The following AOPEP variants were observed in gnomAD, a reference collection of about 807,000 sequenced individuals.
AOPEP encodes aminopeptidase O (putative).
AOPEP carries 77 observed loss-of-function variants against 98.1 expected under a neutral mutation model. The observed-to-expected ratio is 0.78, with a 90% CI of 0.65 to 0.95. The LOEUF is 0.95. Ranked by LOEUF, AOPEP falls within the 40% of genes least tolerant of loss-of-function variation. AOPEP has a pLI of 0.00. For synonymous variants in AOPEP, 346 were observed against 365.3 expected (o/e 0.95, Z 0.60); for missense variants, 1,024 against 1,024.7 (o/e 1.00, Z 0.01).
At chr9:95,111,074 G>A in the AOPEP span, 2 of 1,506,532 alleles carry the variant, frequency 1.3e-6, no homozygotes, top group Non-Finnish European at 1.8e-6. Flanking sequence ...TGGGGAGCGA[G>A]ACAGGGCCCT....
intron 11 of AOPEP, among the ~76,000 whole-genome samples, chr9:94,992,647 C>G (rs1056374544): frequency 6.6e-6 from 1 of 152,196 alleles, no homozygotes; most frequent in African/African-American, 2.4e-5. Context: ...AGCTCTACCA[C>G]CTCGAAGCCG....
At chr9:95,094,294 G>A in the AOPEP span, among the ~76,000 whole-genome samples, 2 of 152,214 alleles carry the variant, frequency 1.3e-5, no homozygotes. Flanking sequence ...TTGGAGAAAG[G>A]ATATATAATC....
chr9:94,928,235 G>A (rs746169140), intron 6 of AOPEP, among the ~76,000 whole-genome samples, 190 bp from the exon 7 acceptor site: 10 of 152,214 alleles, frequency 6.6e-5, no homozygotes, highest in African/African-American at 2.4e-4. Flanking sequence ...CAGCACAAGC[G>A]AGCGTGCACG....
chr9:95,142,604 T>G, the AOPEP span: 1 of 149,748 alleles, frequency 6.7e-6, no homozygotes, highest in East Asian at 2.0e-4. Context: ...TTACAGTCAT[T>G]CAACCCATTT....
At chr9:95,016,252 T>TA (rs1054256762) in intron 13 of AOPEP, among the ~76,000 whole-genome samples, 1 of 150,106 alleles carries the variant, frequency 6.7e-6, no homozygotes, top group Non-Finnish European at 1.5e-5. Context: ...GTGATTTTTT[T>TA]TTTTTTTTTT....
intron 3 of AOPEP, among the ~76,000 whole-genome samples, chr9:94,791,298 A>G (rs577606287): frequency 2.7e-4 from 41 of 152,248 alleles, no homozygotes; most frequent in African/African-American, 9.6e-4. Flanking sequence ...CTGAGTACAC[A>G]TGGATACAAA....
rs751215646 is a variant in AOPEP at position 94,800,929 on chromosome 9, C to A, written c.1291C>A (p.Leu431Met). ...PPCLSAAHSV[L>M]GAHPFSRLDV... Reference sequence around the variant, plus strand: ...TTGCCTCTCAGCAGCACATTCTGTTCTGGGAGCACACCCGTTCTCTCGGCT... The same window carrying A: ...TTGCCTCTCAGCAGCACATTCTGTTATGGGAGCACACCCGTTCTCTCGGCT... Residue 431 changes from leucine to methionine, a missense_variant, in exon 5 of 17, where the codon CTG becomes ATG. Transcript: ENST00000375315. The A allele has an allele frequency of 6.2e-7, 1 of 1,614,194 alleles. No individual in the cohort carries two copies. Among genetic ancestry groups the A allele is most frequent in the East Asian group, 2.2e-5 (1 of 44,876 alleles).
At chr9:94,927,495 G>A (rs551517529) in intron 6 of AOPEP, among the ~76,000 whole-genome samples, 3 of 152,078 alleles carry the variant, frequency 2.0e-5, no homozygotes, top group Non-Finnish European at 4.4e-5. Flanking sequence ...TTCCTGGCCC[G>A]ACGTGCCTTG....
the AOPEP span, among the ~76,000 whole-genome samples, chr9:95,119,370 T>C: frequency 2.0e-5 from 3 of 151,676 alleles, no homozygotes; most frequent in Non-Finnish European, 2.9e-5. Flanking sequence ...CTTTTCTTTT[T>C]TTTTTTTTTT....
chr9:95,001,182 T>G (rs1449474763), intron 11 of AOPEP, among the ~76,000 whole-genome samples: 1 of 152,222 alleles, frequency 6.6e-6, no homozygotes, highest in Non-Finnish European at 1.5e-5. Flanking sequence ...GAGGAATTTC[T>G]TCTTTGTCTA....
Position 94,981,123 on chromosome 9 carries a change from G to A in AOPEP, c.1977+1696G>A, listed in dbSNP as rs371650941. On this transcript the variant is annotated intron_variant, in intron 11 of 16. Coordinates refer to ENST00000375315, the MANE Select transcript of AOPEP (RefSeq NM_001193329.3). ...CTTAATCCAGTGCCCAGAAGCAGGC[G>A]CACTCCACTTAGGCTGTGGTGCTGG... 7.2e-5 allele frequency among the ~76,000 whole-genome samples: 11 copies of A among 152,312 alleles called. No homozygotes were observed. The East Asian group carries it at 7.7e-4, about 11-fold the overall frequency.
At chr9:94,894,283 C>A (rs1048137808) in intron 5 of AOPEP, among the ~76,000 whole-genome samples, 1 of 151,944 alleles carries the variant, frequency 6.6e-6, no homozygotes, top group Admixed American at 6.6e-5. Context: ...TGATTTATTG[C>A]CAAAACCAAT....
chr9:94,894,195 AAAAG>A (rs1227043252), intron 5 of AOPEP, among the ~76,000 whole-genome samples: 4 of 152,334 alleles, frequency 2.6e-5, no homozygotes, highest in Admixed American at 2.6e-4. Context: ...TACAGAATGC[AAAAG>A]AAAGAAAGAT....
chr9:94,983,373 C>T (rs1206851722), intron 11 of AOPEP, among the ~76,000 whole-genome samples: 1 of 152,166 alleles, frequency 6.6e-6, no homozygotes. Flanking sequence ...TTGCCAAGTC[C>T]TGAGGCCCTT....
intron 5 of AOPEP, among the ~76,000 whole-genome samples, chr9:94,811,484 C>T (rs946515764): frequency 2.6e-5 from 4 of 152,278 alleles, no homozygotes; most frequent in East Asian, 1.9e-4. Context: ...AGACCTCTTC[C>T]GTCTGGGCTC....
At position 95,013,809 on chromosome 9, in the gene AOPEP, A is replaced by T. The variant is rs117059810; in HGVS notation, c.2115+8193A>T. On this transcript the variant is annotated intron_variant, in intron 13 of 16. Transcript: ENST00000375315. ...TTAATTATCTAAAGTCTGTTACTCCATTGTCATCCTACATAAAGTCTCATG... is the reference window on the plus strand; with the variant it reads ...TTAATTATCTAAAGTCTGTTACTCCTTTGTCATCCTACATAAAGTCTCATG... Among the ~76,000 whole-genome samples the T allele has an allele frequency of 2.4e-3, 360 of 152,270 alleles. 2 individuals are homozygous for T. Among genetic ancestry groups the T allele is most frequent in the Non-Finnish European group, 2.3e-3 (157 of 68,024 alleles).
intron 5 of AOPEP, among the ~76,000 whole-genome samples, chr9:94,911,112 C>G (rs1005740319): frequency 1.3e-5 from 2 of 152,180 alleles, no homozygotes; most frequent in African/African-American, 4.8e-5. Flanking sequence ...TGGAAGACCC[C>G]AGTACCTCAG....
chr9:94,784,880 G>A (rs1356553065), intron 3 of AOPEP, among the ~76,000 whole-genome samples: 1 of 152,196 alleles, frequency 6.6e-6, no homozygotes, highest in Non-Finnish European at 1.5e-5. Flanking sequence ...GCCTCCCAAA[G>A]TGCTGGGATT....
chr9:95,085,962 G>T, intron 16 of AOPEP: 1 of 1,348,556 alleles, frequency 7.4e-7, no homozygotes, highest in Non-Finnish European at 9.9e-7. Context: ...GCCAGCAGAC[G>T]GTGCCCACGG....
Sources: allele counts gnomAD v4.1 joint callset (sites outside exome capture counted in the v4.1 genomes callset), GRCh38; gene constraint gnomAD v4.1.1; transcripts MANE v1.5; gene names NCBI Gene and HGNC (gene_info 2026-07-23, HGNC 2026-07-21).